Variants in COL4A2 observed in about 807,000 individuals in gnomAD.
COL4A2 encodes the protein collagen type IV alpha 2 chain.
Under a neutral mutation model 200.2 loss-of-function variants are expected in COL4A2, and 99 were observed. That is an observed-to-expected ratio of 0.49 (90% CI 0.42 to 0.58). The LOEUF (loss-of-function observed/expected upper bound fraction) is 0.58, where lower values mean the gene tolerates loss of function less well. Ranked by LOEUF, COL4A2 falls within the 20% of genes least tolerant of loss-of-function variation. COL4A2 has a pLI of 0.00. For synonymous variants in COL4A2, 897 were observed against 900.6 expected, an observed-to-expected ratio of 1.00 and a Z score of 0.07; for missense variants, 1,950 against 2,314.1, an observed-to-expected ratio of 0.84 and a Z score of 3.23.
intron 3 of COL4A2, among the ~76,000 whole-genome samples, chr13:110,317,330 A>C (rs1162639502): frequency 1.3e-5 from 2 of 151,514 alleles, no homozygotes; most frequent in African/African-American, 4.8e-5. Context: ...AGAGACACAC[A>C]CTTGCACCCA....
chr13:110,381,489 C>T (rs1878491542), intron 4 of COL4A2, among the ~76,000 whole-genome samples: 1 of 152,218 alleles, frequency 6.6e-6, no homozygotes, highest in African/African-American at 2.4e-5. Flanking sequence ...TCAGGAGCCA[C>T]CAGATATCAA....
At chr13:110,473,248 C>G (rs775243394) in intron 29 of COL4A2, 98 bp downstream of exon 29, 20 of 1,145,630 alleles carry the variant, frequency 1.7e-5, no homozygotes, top group Admixed American at 2.5e-5. Context: ...TAGGAAGCAG[C>G]GGTGCCCTAT....
At chr13:110,343,783 T>A (rs1876573278) in intron 3 of COL4A2, among the ~76,000 whole-genome samples, 1 of 152,226 alleles carries the variant, frequency 6.6e-6, no homozygotes, top group Admixed American at 6.5e-5. Context: ...GATTCCTGGA[T>A]CTCTTTCATT....
chr13:110,343,400 G>A (rs1876550022), intron 3 of COL4A2, among the ~76,000 whole-genome samples: 1 of 152,200 alleles, frequency 6.6e-6, no homozygotes, highest in Non-Finnish European at 1.5e-5. Flanking sequence ...CCGAGTGTGA[G>A]TTCACAGCAA....
chr13:110,489,765 G>T lies in COL4A2; in HGVS notation c.3326G>T (p.Arg1109Leu). 1 of 1,612,216 alleles carries T rather than the reference G, an allele frequency of 6.2e-7. No homozygotes were observed. Among genetic ancestry groups the T allele is most frequent in the South Asian group, 1.1e-5 (1 of 90,462 alleles). The change falls in exon 36 of 48, where the codon CGG becomes CTG. Residue 1109 changes from arginine (R) to leucine (L), a missense_variant. This residue lies in a region of COL4A2 where 1,385 missense variants were observed against 1,720.5 expected (regional missense o/e 0.80). Coordinates refer to ENST00000360467, the MANE Select transcript of COL4A2 (RefSeq NM_001846.4). ...LPGRPGLKGERGTTGIPGLKG... is the reference protein window; with the variant it reads ...LPGRPGLKGELGTTGIPGLKG... The stretch of plus-strand genomic sequence containing the variant: ...GGAAGACCAGGCCTGAAGGGGGAGC[G>T]GGGCACCACTGGAATACCAGGTACG...
chr13:110,416,707 A>G (rs373694649), intron 4 of COL4A2, among the ~76,000 whole-genome samples: 33 of 152,268 alleles, frequency 2.2e-4, no homozygotes, highest in African/African-American at 6.8e-4. Context: ...CATTTCAGAT[A>G]AAACTATATA....
chr13:110,486,830 C>T (rs369149), intron 34 of COL4A2, among the ~76,000 whole-genome samples: 129,773 of 151,668 alleles, frequency 0.86, 55,517 homozygotes, highest in Middle Eastern at 0.93. Context: ...CCAGGCTGAG[C>T]CAGGAGAAGG....
At position 110,423,140 on chromosome 13, in the gene COL4A2, C is replaced by A. The variant is rs187716940; in HGVS notation, c.181-1594C>A. Among the ~76,000 whole-genome samples the A allele has an allele frequency of 1.3e-4, 20 of 152,220 alleles. No individual in the cohort carries two copies. In the South Asian group the frequency reaches 3.1e-3, roughly 24 times the overall value. On this transcript the variant is annotated intron_variant, in intron 4 of 47. Transcript: ENST00000360467. The stretch of plus-strand genomic sequence containing the variant: ...GTGATGAATCAACAGCAGACTCATT[C>A]GTCTCAAGAGGAAATTAGGACATAC...
intron 3 of COL4A2, among the ~76,000 whole-genome samples, chr13:110,322,606 T>G (rs1885304552): frequency 6.6e-6 from 1 of 152,190 alleles, no homozygotes. Flanking sequence ...GGCCTAGATC[T>G]TCCCCATGGC....
chr13:110,417,897 G>T (rs529951633), intron 4 of COL4A2, among the ~76,000 whole-genome samples: 1 of 151,772 alleles, frequency 6.6e-6, no homozygotes, highest in Non-Finnish European at 1.5e-5. Context: ...ATAGGCCTTC[G>T]TTTCTCTTAG....
chr13:110,320,456 A>G (rs1232702937), intron 3 of COL4A2, among the ~76,000 whole-genome samples: 2 of 152,250 alleles, frequency 1.3e-5, no homozygotes, highest in African/African-American at 2.4e-5. Context: ...AGGAGGGGGA[A>G]GGAAGTCAGA....
Position 110,503,887 on chromosome 13 carries a change from C to T in COL4A2, c.4179C>T (p.Ile1393=). The stretch of plus-strand genomic sequence containing the variant: ...TGGGAGCCCCCGGGATTGCAGGAAT[C>T]CCCCAGAAGATTGCCGTCCAACCAG... ...GTVGAPGIAG[I]PQKIAVQPGT... The change falls in exon 44 of 48, where the codon ATC becomes ATT. Residue 1393 remains isoleucine, a synonymous_variant. Transcript: ENST00000360467. 1 of 1,613,656 alleles carries T rather than the reference C, an allele frequency of 6.2e-7. No homozygotes were observed. Among genetic ancestry groups the T allele is most frequent in the Non-Finnish European group, 8.5e-7 (1 of 1,179,714 alleles).
At position 110,315,296 on chromosome 13, in the gene COL4A2, G is replaced by A. The variant is rs868581183; in HGVS notation, c.99+7173G>A. ...GCTAAAGTGTCTTCTCCACTGATAGGATTTTAAATTCTTTAGGATCGAGGA... is the reference window on the plus strand; with the variant it reads ...GCTAAAGTGTCTTCTCCACTGATAGAATTTTAAATTCTTTAGGATCGAGGA... On this transcript the variant is annotated intron_variant, in intron 3 of 47. Transcript: ENST00000360467. Among the ~76,000 whole-genome samples, 7 of 152,342 alleles carry A rather than the reference G, an allele frequency of 4.6e-5. No homozygotes were observed. The South Asian group carries it at 8.3e-4, about 18-fold the overall frequency.
chr13:110,399,918 C>T (rs1305359540), intron 4 of COL4A2, among the ~76,000 whole-genome samples: 5 of 152,030 alleles, frequency 3.3e-5, no homozygotes, highest in Non-Finnish European at 5.9e-5. Context: ...GTAAGATGCT[C>T]GATTAAAATT....
At chr13:110,365,613 A>T (rs376017209) in intron 4 of COL4A2, among the ~76,000 whole-genome samples, 60 of 151,606 alleles carry the variant, frequency 4.0e-4, no homozygotes, top group African/African-American at 1.4e-3. Flanking sequence ...AGCTTTGCAC[A>T]CCCCTCCCCC....
rs1303597321 is a variant in COL4A2, at chr13:110,512,542, G to A, written c.*351G>A. ...TCACATTGTTCAACTCCCTTCTCGG[G>A]GTGGGACAGACGAGACAACAGCACA... On this transcript the variant is annotated 3_prime_UTR_variant, in exon 48 of 48. Coordinates refer to ENST00000360467, the MANE Select transcript of COL4A2 (RefSeq NM_001846.4). The A allele has an allele frequency of 7.5e-6, 2 of 267,342 alleles. No individual in the cohort carries two copies. The highest frequency in any genetic ancestry group is 2.3e-5 in the African/African-American group (1 of 43,996). The allele number at this position is 267,342 out of a possible 1,614,324, so 16.6% of individuals were successfully genotyped here.
rs2139538420 is a variant in COL4A2, at chr13:110,493,079, AT to A, written c.3563-131del. ...TGAAATAACGATGAGTGACACCCCC[AT>A]GGGTGAAATAACGATGAGTGACACC... is the stretch of plus-strand genomic sequence containing the variant. On this transcript the variant is annotated intron_variant, in intron 38 of 47. Transcript: ENST00000360467. 549 of 860,488 alleles carry A rather than the reference AT, an allele frequency of 6.4e-4. 11 individuals are homozygous for A. Among genetic ancestry groups the A allele is most frequent in the East Asian group, 1.3e-3 (50 of 37,262 alleles). The allele number at this position is 860,488 out of a possible 1,614,324, so 53.3% of individuals were successfully genotyped here. A position where few individuals can be genotyped will look rare whatever the true frequency, so the allele number is the denominator to read the frequency against.
In COL4A2 at chr13:110,320,182, C is replaced by T. The variant is rs568204742; in HGVS notation, c.99+12059C>T. Among the ~76,000 whole-genome samples the T allele has an allele frequency of 2.6e-5, 4 of 152,374 alleles. No individual in the cohort carries two copies. In the South Asian group the frequency reaches 8.3e-4, roughly 32 times the overall value. On this transcript the variant is annotated intron_variant, in intron 3 of 47. Coordinates refer to ENST00000360467, the MANE Select transcript of COL4A2 (RefSeq NM_001846.4). ...CCTTTTGCCAGGCGCAGCCGCACAA[C>T]CCAGGAACAGTCCTAACCCATTACA...
chr13:110,369,830 A>C (rs1260748108), intron 4 of COL4A2, among the ~76,000 whole-genome samples: 1 of 151,950 alleles, frequency 6.6e-6, no homozygotes. Flanking sequence ...TCATCCACCC[A>C]CCAGCCCCCT....
Sources: gnomAD v4.1 joint callset for allele counts (sites outside exome capture counted in the v4.1 genomes callset) on GRCh38, gnomAD v4.1.1 for gene constraint, gnomAD v4.1.1 regional missense constraint, MANE v1.5 for transcripts, NCBI Gene and HGNC (gene_info 2026-07-23, HGNC 2026-07-21) for gene names.